FCRL5: variants seen among roughly 807,000 people sequenced by gnomAD.
The protein encoded by FCRL5 is Fc receptor like 5.
Under a neutral mutation model 92.1 loss-of-function variants are expected in FCRL5, and 79 were observed. The observed-to-expected ratio is 0.86, with a 90% CI of 0.72 to 1.03. The LOEUF (loss-of-function observed/expected upper bound fraction) is 1.03, where lower values mean the gene tolerates loss of function less well. Among genes scored for constraint, FCRL5 ranks in the 50% least tolerant of loss-of-function variants. FCRL5 has a pLI of 0.00. For synonymous variants in FCRL5, 466 were observed against 469.3 expected (o/e 0.99, Z 0.09); for missense variants, 1,160 against 1,181.1 (o/e 0.98, Z 0.26).
Position 157,542,866 on chromosome 1 carries a change from T to A in FCRL5, c.1116A>T (p.Ser372=). ...GAKPSKAVSL[S]VTVPVSHPVL... is the part of the protein sequence containing the mutation. ...CAGGAATGCAGGGCTTACCAGTGAC[T>A]GAGAGGCTCACAGCCTTACTGGGCT... The change falls in exon 6 of 17, where the codon TCA becomes TCT. Residue 372 remains serine (S), a synonymous_variant. Transcript: ENST00000361835. The A allele has an allele frequency of 6.2e-7, 1 of 1,611,756 alleles. No individual in the cohort carries two copies. The highest frequency in any genetic ancestry group is 8.5e-7 in the Non-Finnish European group (1 of 1,179,030).
At position 157,518,760 on chromosome 1, in the gene FCRL5, G is replaced by A. The variant is rs1429908018; in HGVS notation, c.2683C>T (p.Gln895Ter). Residue 895 changes from glutamine (Q) to a stop codon, truncating the protein, a stop_gained, in exon 14 of 17, where the codon CAA becomes TAA. Transcript: ENST00000361835. LOFTEE classifies it high-confidence loss of function. ...GGTACATTGTGATAGGTGGGCTCTT[G>A]GGAGTCCGAGTCTGAAGGGCTCCTG... is the stretch of plus-strand genomic sequence containing the variant. ...PARSPSDSDS[Q>*]EPTYHNVPAW... is the part of the protein sequence containing the mutation. 10 of 1,613,258 alleles carry A rather than the reference G, an allele frequency of 6.2e-6. No individual in the cohort carries two copies. The highest frequency in any genetic ancestry group is 8.5e-6 in the Non-Finnish European group (10 of 1,179,802).
intron 7 of FCRL5, among the ~76,000 whole-genome samples, chr1:157,538,839 G>A (rs757120176): frequency 1.3e-5 from 2 of 152,228 alleles, no homozygotes; most frequent in Non-Finnish European, 2.9e-5. Flanking sequence ...TGGCTGCTCA[G>A]AATTTGAGGA....
At chr1:157,528,510 A>C (rs982083149) in intron 8 of FCRL5, 1 of 152,240 alleles carries the variant, frequency 6.6e-6, no homozygotes, top group Non-Finnish European at 1.5e-5. Flanking sequence ...TAGCCAAAGC[A>C]AGACTAAGCA....
chr1:157,527,518 C>T (rs1459742386), intron 9 of FCRL5, 99 bp downstream of exon 9: 8 of 1,267,704 alleles, frequency 6.3e-6, no homozygotes, highest in Non-Finnish European at 7.5e-6. Flanking sequence ...GGATGTCACA[C>T]AGCAAATGAC....
intron 3 of FCRL5, chr1:157,546,290 A>G (rs1453990071): frequency 4.4e-6 from 2 of 451,824 alleles, no homozygotes; most frequent in African/African-American, 4.0e-5. Flanking sequence ...TCTGCTAAGA[A>G]TACAAAAATT....
chr1:157,526,169 G>T (rs1441192276), intron 9 of FCRL5, among the ~76,000 whole-genome samples: 1 of 152,172 alleles, frequency 6.6e-6, no homozygotes, highest in African/African-American at 2.4e-5. Flanking sequence ...GCCAGAAGAA[G>T]ATAGATTCAC....
Position 157,544,357 on chromosome 1 carries a change from A to G in FCRL5, c.749T>C (p.Met250Thr). ...GTAGAACCCTGAATCTTTACTCCAC[A>G]TGGCAGTAATCTGGAAATTCGGGGA... ...SLSPNFQITA[M>T]WSKDSGFYWC... The change falls in exon 5 of 17, where the codon ATG becomes ACG. Residue 250 changes from methionine to threonine, a missense_variant. By Grantham distance (81) the Met-to-Thr change is moderately conservative (BLOSUM62 -1). Transcript: ENST00000361835. 1 of 1,614,118 alleles carries G rather than the reference A, an allele frequency of 6.2e-7. No homozygotes were observed. The highest frequency in any genetic ancestry group is 8.5e-7 in the Non-Finnish European group (1 of 1,179,998).
chr1:157,551,115 G>T (rs1264900980), intron 1 of FCRL5, among the ~76,000 whole-genome samples: 1 of 152,182 alleles, frequency 6.6e-6, no homozygotes, highest in Non-Finnish European at 1.5e-5. Context: ...ATTTACGTAG[G>T]TTATTTCATA....
chr1:157,549,809 C>T (rs1315249796), intron 1 of FCRL5, among the ~76,000 whole-genome samples: 1 of 151,812 alleles, frequency 6.6e-6, no homozygotes, highest in African/African-American at 2.4e-5. Context: ...AAAATGGTAT[C>T]TGCCATCAAG....
intron 7 of FCRL5, among the ~76,000 whole-genome samples, chr1:157,536,087 G>A (rs1275232529): frequency 2.0e-5 from 3 of 151,716 alleles, no homozygotes; most frequent in East Asian, 1.9e-4. Context: ...CGTTACAGGC[G>A]ACCGCCACCA....
At chr1:157,523,238 C>A (rs1650277733) in intron 10 of FCRL5, among the ~76,000 whole-genome samples, 1 of 152,206 alleles carries the variant, frequency 6.6e-6, no homozygotes, top group African/African-American at 2.4e-5. Flanking sequence ...TGATTGCATA[C>A]CATTGTATGG....
intron 9 of FCRL5, among the ~76,000 whole-genome samples, 162 bp downstream of exon 9, chr1:157,527,455 C>T (rs527360808): frequency 4.6e-5 from 7 of 152,306 alleles, no homozygotes; most frequent in East Asian, 3.9e-4. Flanking sequence ...AGTTCCTGAA[C>T]GTGTAGGATA....
Position 157,520,467 on chromosome 1 carries a change from C to G in FCRL5, c.2596G>C (p.Ala866Pro). 6.4e-7 allele frequency: 1 copy of G among 1,573,746 alleles called. No homozygotes were observed. Among genetic ancestry groups the G allele is most frequent in the Middle Eastern group, 1.7e-4 (1 of 6,012 alleles). The change falls in exon 12 of 17, where the codon GCA becomes CCA. Residue 866 changes from alanine (A) to proline (P), a missense_variant. By Grantham distance (27) the Ala-to-Pro change is conservative. Transcript: ENST00000361835. ...LLSIAGLAAG[A>P]LLLYCWLSRK... ...GAGAGCCAGCAGTAGAGCAGCAGTG[C>G]CCCCGCAGCAAGGCCTGCTATGCTG...
At chr1:157,542,678 G>T in intron 6 of FCRL5, 181 bp downstream of exon 6, 1 of 733,326 alleles carries the variant, frequency 1.4e-6, no homozygotes, top group Non-Finnish European at 2.2e-6. Context: ...CACCTAGACT[G>T]CAATGCAACG....
In FCRL5 at chr1:157,543,611, C is replaced by A. The variant is rs141331911; in HGVS notation, c.845-474G>T. On this transcript the variant is annotated intron_variant, in intron 5 of 16. Coordinates refer to ENST00000361835, the MANE Select transcript of FCRL5 (RefSeq NM_031281.3). ...TCCTGACTCCTAGTCTGGTGATGAT[C>A]ACATTGCCTCCTTATAAGTGAGCCC... Among the ~76,000 whole-genome samples the A allele has an allele frequency of 5.3e-3, 800 of 152,272 alleles. 7 individuals carry two copies. Among genetic ancestry groups the A allele is most frequent in the East Asian group, 0.013 (65 of 5,188 alleles).
At chr1:157,516,687 T>C (rs1401419118) in intron 15 of FCRL5, among the ~76,000 whole-genome samples, 1 of 152,240 alleles carries the variant, frequency 6.6e-6, no homozygotes, top group African/African-American at 2.4e-5. Context: ...ATTGTTATAT[T>C]ATCATCAAAC....
intron 9 of FCRL5, among the ~76,000 whole-genome samples, chr1:157,524,917 G>A (rs1650362738): frequency 3.3e-5 from 5 of 152,134 alleles, no homozygotes; most frequent in African/African-American, 1.2e-4. Flanking sequence ...AATTGCATCT[G>A]GGCTGCATCA....
In FCRL5 at chr1:157,527,737, AG is replaced by A; in HGVS notation, c.1839del (p.Ser614LeufsTer11). ...EDVTLGSSSA[P>X]SGGEASFNLS... is the part of the protein sequence containing the mutation. ...AGGTTGAAAGAAGCTTCTCCTCCAG[AG>A]GGGGCTGAGCTGCTCCCCAGGGTGA... On this transcript the variant is annotated frameshift_variant, in exon 9 of 17. Coordinates refer to ENST00000361835, the MANE Select transcript of FCRL5 (RefSeq NM_031281.3). LOFTEE classifies it high-confidence loss of function. The A allele has an allele frequency of 1.2e-6, 2 of 1,614,170 alleles. No individual in the cohort carries two copies. Among genetic ancestry groups the A allele is most frequent in the Non-Finnish European group, 1.7e-6 (2 of 1,180,024 alleles).
In FCRL5 at chr1:157,552,336, G is replaced by A. The variant is rs780806108; in HGVS notation, c.27C>T (p.Val9=). The change falls in exon 1 of 17, where the codon GTC becomes GTT. Residue 9 remains valine, a synonymous_variant. Transcript: ENST00000361835. ...ATGGTGAGCCCTTTTACTCACCCAG[G>A]ACCAGTAATATCACCCACAGCAGCA... The part of the protein sequence containing the change: MLLWVILL[V]LAPVSGQFAR... 24 of 1,614,068 alleles carry A rather than the reference G, an allele frequency of 1.5e-5. No homozygotes were observed. In the East Asian group the frequency reaches 5.1e-4, roughly 34 times the overall value.
Sources: gnomAD v4.1 joint callset for allele counts (sites outside exome capture counted in the v4.1 genomes callset) on GRCh38, gnomAD v4.1.1 for gene constraint, MANE v1.5 for transcripts, NCBI Gene and HGNC (gene_info 2026-07-23, HGNC 2026-07-21) for gene names.